PTCD1: variants seen among roughly 807,000 people sequenced by gnomAD.
PTCD1 encodes pentatricopeptide repeat domain 1.
A neutral mutation model predicts 53.4 loss-of-function variants in PTCD1; 50 were observed. That is an observed-to-expected ratio of 0.94 (90% CI 0.75 to 1.19). PTCD1 has a LOEUF of 1.19. Among genes scored for constraint, PTCD1 ranks in the 50% most tolerant of loss-of-function variants. The probability of loss-of-function intolerance (pLI) is 0.00; values close to 1 mark genes in which losing one functional copy is unlikely to be tolerated. For synonymous variants in PTCD1, 413 were observed against 394.8 expected, an observed-to-expected ratio of 1.05 and a Z score of -0.55; for missense variants, 918 against 904.8, an observed-to-expected ratio of 1.01 and a Z score of -0.19.
chr7:99,437,437 T>C (rs1584471456), intron 1 of PTCD1, among the ~76,000 whole-genome samples: 1 of 152,052 alleles, frequency 6.6e-6, no homozygotes, highest in Non-Finnish European at 1.5e-5. Flanking sequence ...CCCCTGGAGC[T>C]GGGACTACAG....
Position 99,419,797 on chromosome 7 carries a change from G to A in PTCD1, c.*170C>T. On this transcript the variant is annotated 3_prime_UTR_variant, in exon 8 of 8. Coordinates refer to ENST00000292478, the MANE Select transcript of PTCD1 (RefSeq NM_015545.4). ...CTGGAGCTGCACTTGGACCTGCTGG[G>A]AGCACAGGCACCTTGGGCCTAGTGT... 8.7e-7 allele frequency: 1 copy of A among 1,144,622 alleles called. No individual in the cohort carries two copies. Among genetic ancestry groups the A allele is most frequent in the Non-Finnish European group, 1.2e-6 (1 of 815,748 alleles). The allele number at this position is 1,144,622 out of a possible 1,614,324, so 70.9% of individuals were successfully genotyped here. A position where few individuals can be genotyped will look rare whatever the true frequency, so the allele number is the denominator to read the frequency against.
chr7:99,433,193 G>A, intron 3 of PTCD1, 85 bp downstream of exon 3: 1 of 1,605,158 alleles, frequency 6.2e-7, no homozygotes, highest in South Asian at 1.1e-5. Context: ...CACCTGCCCA[G>A]TGTAAAGCAC....
intron 2 of PTCD1, 112 bp from the exon 3 acceptor site, chr7:99,433,530 C>A: frequency 6.3e-7 from 1 of 1,586,198 alleles, no homozygotes; most frequent in African/African-American, 1.3e-5. Flanking sequence ...AACGGCGGCC[C>A]TGGGTGACTG....
chr7:99,423,777 G>A lies in PTCD1; in HGVS notation c.1918C>T (p.Arg640Trp), dbSNP rs762942400. 22 of 1,613,892 alleles carry A rather than the reference G, an allele frequency of 1.4e-5. 1 individual carries two copies. The highest frequency in any genetic ancestry group is 5.3e-5 in the African/African-American group (4 of 74,910). Residue 640 changes from arginine to tryptophan, a missense_variant and splice_region_variant, in exon 7 of 8, where the codon CGG (arginine) becomes TGG (tryptophan). Arg to Trp is a moderately radical substitution (Grantham distance 101). Transcript: ENST00000292478. ...FAAQYPPTFD[R>W]YQGKNTYLEK... ...GCTTTTGAGCTTGGGGCACACACCC[G>A]GTCAAAGGTGGGAGGGTACTGGGCT...
intron 3 of PTCD1, among the ~76,000 whole-genome samples, chr7:99,431,368 T>C (rs1796242957): frequency 1.3e-5 from 2 of 151,532 alleles, no homozygotes; most frequent in Admixed American, 6.6e-5. Flanking sequence ...GACCTCGTGA[T>C]CCGCCCACTT....
In PTCD1 at chr7:99,419,859, TC is replaced by T. The variant is rs1342989359; in HGVS notation, c.*107del. On this transcript the variant is annotated 3_prime_UTR_variant, in exon 8 of 8. Coordinates refer to ENST00000292478, the MANE Select transcript of PTCD1 (RefSeq NM_015545.4). ...AACACCTGTGACACGCTGCGGCTGT[TC>T]CTCAGGGCCTGGCTCTTCCCCCAGG... The T allele has an allele frequency of 7.0e-6, 11 of 1,575,688 alleles. No individual in the cohort carries two copies. The highest frequency in any genetic ancestry group is 5.6e-5 in the South Asian group (5 of 88,730).
rs1388059086 is a variant in PTCD1 at position 99,425,630 on chromosome 7, G to C, written c.916-14C>G. Reference sequence around the variant, plus strand: ...CAGCCGCCACACCTGCCACGGAAGAGACAAACGTCAGCTGGGTGCTCCCAT... The same window carrying C: ...CAGCCGCCACACCTGCCACGGAAGACACAAACGTCAGCTGGGTGCTCCCAT... On this transcript the variant is annotated splice_polypyrimidine_tract_variant and intron_variant, in intron 5 of 7. Transcript: ENST00000292478. 1 of 1,602,152 alleles carries C rather than the reference G, an allele frequency of 6.2e-7. No individual in the cohort carries two copies. The highest frequency in any genetic ancestry group is 8.5e-7 in the Non-Finnish European group (1 of 1,175,980).
At chr7:99,438,415 T>C (rs975361921) in intron 1 of PTCD1, 14 of 679,726 alleles carry the variant, frequency 2.1e-5, no homozygotes, top group Non-Finnish European at 2.6e-5. Context: ...CAGTGAGCTA[T>C]GATCGTACCC....
intron 7 of PTCD1, among the ~76,000 whole-genome samples, chr7:99,420,599 T>C (rs539249337): frequency 6.6e-6 from 1 of 152,218 alleles, no homozygotes; most frequent in East Asian, 1.9e-4. Flanking sequence ...AACTGAGAGC[T>C]GGTAGGGGAA....
rs1366299322 is a variant in PTCD1 at position 99,418,175 on chromosome 7, C to T, written c.*1792G>A. On this transcript the variant is annotated 3_prime_UTR_variant, in exon 8 of 8. Coordinates refer to ENST00000292478, the MANE Select transcript of PTCD1 (RefSeq NM_015545.4). ...AGAGACGGGGTTTCTCAATGTTGCTCAGGCTGGTCTCGAACTCCCGACCTC... is the reference window on the plus strand; with the variant it reads ...AGAGACGGGGTTTCTCAATGTTGCTTAGGCTGGTCTCGAACTCCCGACCTC... The T allele has an allele frequency of 9.6e-6, 2 of 207,390 alleles. No homozygotes were observed. Among genetic ancestry groups the T allele is most frequent in the Non-Finnish European group, 1.8e-5 (2 of 111,150 alleles). The allele number at this position is 207,390 out of a possible 1,614,324, so 12.8% of individuals were successfully genotyped here.
At position 99,438,680 on chromosome 7, in the gene PTCD1, A is replaced by T. The variant is rs979327086; in HGVS notation, c.-27+12T>A. 1 of 1,267,192 alleles carries T rather than the reference A, an allele frequency of 7.9e-7. No homozygotes were observed. 78.5% of individuals were successfully genotyped at this position (1,267,192 alleles called of 1,614,324 possible). A position where few individuals can be genotyped will look rare whatever the true frequency, so the allele number is the denominator to read the frequency against. Reference sequence around the variant, plus strand: ...GTCCCGGGGCTCCTGCGAGGATCACACAGGAACTCACTTGAAGTGTCCGGC... The same window carrying T: ...GTCCCGGGGCTCCTGCGAGGATCACTCAGGAACTCACTTGAAGTGTCCGGC... On this transcript the variant is annotated intron_variant, in intron 1 of 7. Coordinates refer to ENST00000292478, the MANE Select transcript of PTCD1 (RefSeq NM_015545.4).
At position 99,423,818 on chromosome 7, in the gene PTCD1, C is replaced by T. The variant is rs765264665; in HGVS notation, c.1877G>A (p.Arg626His). Residue 626 changes from arginine to histidine, a missense_variant, in exon 7 of 8, where the codon CGC becomes CAC. By Grantham distance (29) the Arg-to-His change is conservative. Transcript: ENST00000292478. The stretch of plus-strand genomic sequence containing the variant: ...GTACTGGGCTGCAAACTCCAGCTGG[C>T]GGATGACCACTTCGTTCACCGGGAC... ...NRVPVNEVVI[R>H]QLEFAAQYPP... is the part of the protein sequence containing the mutation. 7.4e-6 allele frequency: 12 copies of T among 1,613,996 alleles called. No individual in the cohort carries two copies. The highest frequency in any genetic ancestry group is 1.7e-5 in the Admixed American group (1 of 59,988).
chr7:99,438,548 G>A, intron 1 of PTCD1, 144 bp downstream of exon 1: 1 of 1,128,522 alleles, frequency 8.9e-7, no homozygotes, highest in South Asian at 1.8e-5. Flanking sequence ...GGCCAACGCC[G>A]ACCCCTCTCC....
intron 5 of PTCD1, among the ~76,000 whole-genome samples, chr7:99,427,983 C>A (rs984380235): frequency 2.0e-5 from 3 of 150,474 alleles, no homozygotes; most frequent in Admixed American, 2.0e-4. Flanking sequence ...GCCGCAGGGT[C>A]GTCTGCCTAG....
chr7:99,425,150 G>C lies in PTCD1; in HGVS notation c.1382C>G (p.Pro461Arg), dbSNP rs1347587815. ...CCCTATCAAGGCCAGCCGGTCAGCT[G>C]GGGTGGTCACCGTTCCAAAGGAGAC... The part of the protein sequence containing the change: ...TVVSFGTVTT[P>R]ADRLALIGGL... Residue 461 changes from proline to arginine, a missense_variant, in exon 6 of 8, where the codon CCA (proline) becomes CGA (arginine). Pro to Arg is a moderately radical substitution (Grantham distance 103). Coordinates refer to ENST00000292478, the MANE Select transcript of PTCD1 (RefSeq NM_015545.4). The C allele has an allele frequency of 6.2e-7, 1 of 1,614,052 alleles. No homozygotes were observed. Among genetic ancestry groups the C allele is most frequent in the East Asian group, 2.2e-5 (1 of 44,882 alleles).
chr7:99,426,479 C>G (rs1311950025), intron 5 of PTCD1, among the ~76,000 whole-genome samples: 1 of 152,204 alleles, frequency 6.6e-6, no homozygotes, highest in Non-Finnish European at 1.5e-5. Flanking sequence ...GACGGAGTCT[C>G]GTTCACTCAG....
At chr7:99,426,298 TCCTG>T (rs1796020740) in intron 5 of PTCD1, among the ~76,000 whole-genome samples, 2 of 152,154 alleles carry the variant, frequency 1.3e-5, no homozygotes, top group Admixed American at 6.5e-5. Context: ...TGCCTGATTC[TCCTG>T]CCTCAGCCTG....
chr7:99,420,069 T>C lies in PTCD1; in HGVS notation c.2001A>G (p.Ala667=), dbSNP rs1386454638. 1.2e-6 allele frequency: 2 copies of C among 1,614,240 alleles called. No homozygotes were observed. The highest frequency in any genetic ancestry group is 1.7e-6 in the Non-Finnish European group (2 of 1,180,030). Reference sequence around the variant, plus strand: ...TCTGCCAGGGGTGCGGGGTTTCCTCTGCGGGCATCACTGTCAGCCACTGCT... The same window carrying C: ...TCTGCCAGGGGTGCGGGGTTTCCTCCGCGGGCATCACTGTCAGCCACTGCT... ...YYKQWLTVMP[A]EETPHPWQKF... Residue 667 remains alanine (A), a synonymous_variant, in exon 8 of 8, where the codon GCA becomes GCG. Transcript: ENST00000292478.
At chr7:99,436,399 C>G (rs982408607) in intron 1 of PTCD1, among the ~76,000 whole-genome samples, 2 of 152,078 alleles carry the variant, frequency 1.3e-5, no homozygotes, top group African/African-American at 4.8e-5. Flanking sequence ...GTGGGTGGAT[C>G]CCCTCAGGTC....
Sources: gnomAD v4.1 joint callset for allele counts (sites outside exome capture counted in the v4.1 genomes callset) on GRCh38, gnomAD v4.1.1 for gene constraint, MANE v1.5 for transcripts, NCBI Gene and HGNC (gene_info 2026-07-23, HGNC 2026-07-21) for gene names.